The following PNPT1 variants were observed in gnomAD, a reference collection of about 807,000 sequenced individuals.
The protein encoded by PNPT1 is polyribonucleotide nucleotidyltransferase 1.
In PNPT1, 53 loss-of-function variants were observed where a neutral mutation model predicts 119.5. The observed-to-expected ratio is 0.44, with a 90% CI of 0.36 to 0.56. PNPT1 has a LOEUF of 0.56. Ranked by LOEUF, PNPT1 falls within the 20% of genes least tolerant of loss-of-function variation. The pLI is 0.00. For missense variants in PNPT1, 948 were observed against 938.5 expected, an observed-to-expected ratio of 1.01 and a Z score of -0.13; for synonymous variants, 357 against 322.1, an observed-to-expected ratio of 1.11 and a Z score of -1.16.
In PNPT1 at chr2:55,662,023, G is replaced by A; in HGVS notation, c.1180C>T (p.Leu394Phe). ...AATGAATCAAATGTAACGGTACAAA[G>A]CACCTAAAAAAGAAAAAGAATTCCT... ...ALFQRGQTQV[L>F]CTVTFDSLES... The change falls in exon 14 of 28, where the codon CTT (leucine) becomes TTT (phenylalanine). Residue 394 changes from leucine (L) to phenylalanine (F), a missense_variant. Transcript: ENST00000447944. 6.4e-7 allele frequency: 1 copy of A among 1,562,554 alleles called. No homozygotes were observed. The highest frequency in any genetic ancestry group is 1.4e-5 in the African/African-American group (1 of 72,024).
intron 25 of PNPT1, 63 bp from the exon 26 acceptor site, chr2:55,640,768 T>C (rs1421082416): frequency 6.4e-6 from 7 of 1,096,060 alleles, no homozygotes; most frequent in Non-Finnish European, 9.4e-6. Flanking sequence ...CATTGACAAA[T>C]AAAACATTGT....
At position 55,667,105 on chromosome 2, in the gene PNPT1, T is replaced by C. The variant is rs374508862; in HGVS notation, c.1074-12A>G. 71 of 1,597,432 alleles carry C rather than the reference T, an allele frequency of 4.4e-5. No individual in the cohort carries two copies. Among genetic ancestry groups the C allele is most frequent in the Non-Finnish European group, 5.8e-5 (68 of 1,165,650 alleles). ...CCCGACCATCGCACCTATAGTGATA[T>C]AGGAAATAAGTACATTAAGTAACGC... On this transcript the variant is annotated splice_polypyrimidine_tract_variant and intron_variant, in intron 12 of 27. Transcript: ENST00000447944.
chr2:55,667,964 G>T lies in PNPT1; in HGVS notation c.977-6C>A. The T allele has an allele frequency of 6.4e-7, 1 of 1,573,802 alleles. No homozygotes were observed. Among genetic ancestry groups the T allele is most frequent in the Non-Finnish European group, 8.6e-7 (1 of 1,168,308 alleles). On this transcript the variant is annotated splice_region_variant and splice_polypyrimidine_tract_variant and intron_variant, in intron 11 of 27. Transcript: ENST00000447944. Reference sequence around the variant, plus strand: ...ATCGGCTTCTGGAAATTTTTCTATAGAAAAAAGACAAACCAAAACAAAGAT... The same window carrying T: ...ATCGGCTTCTGGAAATTTTTCTATATAAAAAAGACAAACCAAAACAAAGAT...
intron 10 of PNPT1, 69 bp from the exon 11 acceptor site, chr2:55,671,445 T>C: frequency 1.1e-6 from 1 of 940,938 alleles, no homozygotes; most frequent in South Asian, 1.9e-5. Flanking sequence ...TTTCTAATTA[T>C]TATACAATGA....
chr2:55,653,244 G>A (rs1356645185), intron 18 of PNPT1, among the ~76,000 whole-genome samples: 1 of 152,154 alleles, frequency 6.6e-6, no homozygotes, highest in East Asian at 1.9e-4. Flanking sequence ...ATACTTTATA[G>A]AAAATACTTT....
chr2:55,678,774 C>A (rs1172075256), intron 8 of PNPT1, among the ~76,000 whole-genome samples: 1 of 152,190 alleles, frequency 6.6e-6, no homozygotes, highest in African/African-American at 2.4e-5. Flanking sequence ...TTTGGTTCGA[C>A]AACACAACCC....
chr2:55,644,733 A>G lies in PNPT1; in HGVS notation c.1823-13T>C, dbSNP rs757152969. On this transcript the variant is annotated splice_polypyrimidine_tract_variant and intron_variant, in intron 22 of 27. Transcript: ENST00000447944. ...ACCTGAACAGTTTCTGGAACGTAAT[A>G]CAGACAAATATATAAACAATTCAAC... 6.3e-7 allele frequency: 1 copy of G among 1,578,390 alleles called. No homozygotes were observed. The highest frequency in any genetic ancestry group is 8.7e-7 in the Non-Finnish European group (1 of 1,149,396).
intron 27 of PNPT1, 105 bp downstream of exon 27, chr2:55,637,446 TA>T: frequency 2.9e-6 from 3 of 1,043,290 alleles, no homozygotes; most frequent in Non-Finnish European, 4.4e-6. Flanking sequence ...TGCATACAAA[TA>T]AAAAACTTCA....
chr2:55,689,750 C>A (rs1697531150), intron 1 of PNPT1, among the ~76,000 whole-genome samples: 1 of 152,148 alleles, frequency 6.6e-6, no homozygotes, highest in Non-Finnish European at 1.5e-5. Flanking sequence ...TAGAAGTGTT[C>A]TAAAATTGAT....
intron 13 of PNPT1, 85 bp downstream of exon 13, chr2:55,666,906 C>A: frequency 1.2e-6 from 1 of 831,052 alleles, no homozygotes; most frequent in Non-Finnish European, 1.8e-6. Flanking sequence ...ATGACAAAAC[C>A]TACAGCATCT....
chr2:55,649,807 C>T (rs1696114328), intron 18 of PNPT1, among the ~76,000 whole-genome samples: 1 of 152,174 alleles, frequency 6.6e-6, no homozygotes, highest in African/African-American at 2.4e-5. Context: ...TTCGGATTAG[C>T]TTATTAAAGT....
At chr2:55,646,759 G>C (rs189023901) in intron 19 of PNPT1, among the ~76,000 whole-genome samples, 7 of 151,040 alleles carry the variant, frequency 4.6e-5, no homozygotes, top group Non-Finnish European at 1.0e-4. Flanking sequence ...GAGTCATTAT[G>C]AATACTTACA....
chr2:55,686,511 G>T, intron 2 of PNPT1, 67 bp from the exon 3 acceptor site: 1 of 1,170,176 alleles, frequency 8.5e-7, no homozygotes. Context: ...AGTAGCAACT[G>T]AATAAATCCT....
chr2:55,693,328 C>G (rs1697681915), intron 1 of PNPT1, among the ~76,000 whole-genome samples: 1 of 152,120 alleles, frequency 6.6e-6, no homozygotes, highest in South Asian at 2.1e-4. Context: ...GGCCTCGTCT[C>G]ACCCACGTCA....
At chr2:55,674,908 G>A (rs555311728) in intron 8 of PNPT1, among the ~76,000 whole-genome samples, 141 of 152,248 alleles carry the variant, frequency 9.3e-4, no homozygotes, top group Middle Eastern at 3.4e-3. Flanking sequence ...GATTAATCCG[G>A]AGATTTTTAA....
At position 55,687,723 on chromosome 2, in the gene PNPT1, T is replaced by C. The variant is rs1427397255; in HGVS notation, c.162-18A>G. 8.9e-6 allele frequency: 14 copies of C among 1,574,256 alleles called. No individual in the cohort carries two copies. Among genetic ancestry groups the C allele is most frequent in the African/African-American group, 2.7e-5 (2 of 73,158 alleles). ...CTAATTTCCTGTTTAAAAATAAAAA[T>C]GCAATACAAGAAGACTTAGGTCATC... On this transcript the variant is annotated intron_variant, in intron 1 of 27. Coordinates refer to ENST00000447944, the MANE Select transcript of PNPT1 (RefSeq NM_033109.5).
intron 8 of PNPT1, among the ~76,000 whole-genome samples, chr2:55,676,062 A>T (rs1697058676): frequency 6.6e-6 from 1 of 151,978 alleles, no homozygotes; most frequent in Non-Finnish European, 1.5e-5. Flanking sequence ...GGAGTTTGAG[A>T]CCAGCCTGGC....
At chr2:55,682,452 C>G (rs1406952593) in intron 5 of PNPT1, among the ~76,000 whole-genome samples, 1 of 151,326 alleles carries the variant, frequency 6.6e-6, no homozygotes, top group Non-Finnish European at 1.5e-5. Context: ...CAGAGGGAGA[C>G]TCTGTCTCAA....
At chr2:55,660,341 T>G in intron 14 of PNPT1, 148 bp from the exon 15 acceptor site, 2 of 798,692 alleles carry the variant, frequency 2.5e-6, no homozygotes, top group Non-Finnish European at 3.7e-6. Context: ...AAGAATTAAT[T>G]AGAAGGATGA....
Sources: gnomAD v4.1 joint callset for allele counts (sites outside exome capture counted in the v4.1 genomes callset) on GRCh38, gnomAD v4.1.1 for gene constraint, MANE v1.5 for transcripts, NCBI Gene and HGNC (gene_info 2026-07-23, HGNC 2026-07-21) for gene names.